ESRRB: variants seen among roughly 807,000 people sequenced by gnomAD.
ESRRB encodes the protein estrogen related receptor beta.
Under a neutral mutation model 46.0 loss-of-function variants are expected in ESRRB, and 16 were observed. The ratio of observed to expected loss-of-function variants is 0.35; its 90% CI spans 0.24 to 0.53. The LOEUF is 0.53. Ranked by LOEUF, ESRRB falls within the 20% of genes least tolerant of loss-of-function variation. ESRRB has a pLI of 0.93. For missense variants in ESRRB, 488 were observed against 607.4 expected (o/e 0.80, Z 2.07); for synonymous variants, 246 against 259.6 (o/e 0.95, Z 0.50).
At chr14:76,343,755 G>A (rs1474342910) in intron 1 of ESRRB, among the ~76,000 whole-genome samples, 3 of 152,226 alleles carry the variant, frequency 2.0e-5, no homozygotes, top group African/African-American at 4.8e-5. Flanking sequence ...ATGCATCATC[G>A]TTTCCACTTC....
chr14:76,500,743 G>T lies in ESRRB; in HGVS notation c.*2285G>T. 7 of 1,613,794 alleles carry T rather than the reference G, an allele frequency of 4.3e-6. No homozygotes were observed. The highest frequency in any genetic ancestry group is 5.9e-6 in the Non-Finnish European group (7 of 1,179,720). On this transcript the variant is annotated 3_prime_UTR_variant, in exon 7 of 7. Transcript: ENST00000644823. Reference sequence around the variant, plus strand: ...GTAACATCTGGCTTGGAGCAAGTGGGTGTTCTGCACACCAGGCAGCTGCAC... The same window carrying T: ...GTAACATCTGGCTTGGAGCAAGTGGTTGTTCTGCACACCAGGCAGCTGCAC...
At chr14:76,388,498 T>C (rs1470866109) in intron 1 of ESRRB, among the ~76,000 whole-genome samples, 2 of 152,156 alleles carry the variant, frequency 1.3e-5, no homozygotes, top group Non-Finnish European at 1.5e-5. Flanking sequence ...AATTTCAGCT[T>C]TCTAACTCCT....
chr14:76,330,427 A>G (rs1488121748), intron 1 of ESRRB, among the ~76,000 whole-genome samples: 1 of 151,724 alleles, frequency 6.6e-6, no homozygotes, highest in Non-Finnish European at 1.5e-5. Flanking sequence ...CAACTCAAAG[A>G]CCCCCCAACC....
rs905185838 is a variant in ESRRB at position 76,424,917 on chromosome 14, A to C, written c.51-14424A>C. ...ACGCCCGGCTAATTTTTATATTTTT[A>C]GTAGAGATGGGGTTTCACCATCTTG... On this transcript the variant is annotated intron_variant, in intron 1 of 6. Coordinates refer to ENST00000644823, the MANE Select transcript of ESRRB (RefSeq NM_001379180.1). Among the ~76,000 whole-genome samples, 32 of 152,050 alleles carry C rather than the reference A, an allele frequency of 2.1e-4. 1 individual carries two copies. The highest frequency in any genetic ancestry group is 2.9e-5 in the Non-Finnish European group (2 of 68,002).
chr14:76,466,786 C>T (rs1011065890), intron 3 of ESRRB, among the ~76,000 whole-genome samples: 2 of 151,832 alleles, frequency 1.3e-5, no homozygotes, highest in Non-Finnish European at 2.9e-5. Context: ...TGCAGTGGCG[C>T]GATCTAGGCT....
intron 1 of ESRRB, among the ~76,000 whole-genome samples, chr14:76,333,277 G>T (rs1176290322): frequency 9.5e-3 from 67 of 7,084 alleles, no homozygotes; most frequent in East Asian, 0.019. Context: ...TTATATATAT[G>T]ATATATTTAT....
chr14:76,403,486 A>G (rs550711562), intron 1 of ESRRB, among the ~76,000 whole-genome samples: 1 of 152,306 alleles, frequency 6.6e-6, no homozygotes, highest in Admixed American at 6.5e-5. Flanking sequence ...GAATGGGAGG[A>G]AGTATAATAC....
intron 1 of ESRRB, among the ~76,000 whole-genome samples, chr14:76,385,213 GAAA>G (rs35021819): frequency 7.7e-5 from 10 of 129,174 alleles, no homozygotes; most frequent in Non-Finnish European, 1.3e-4. Flanking sequence ...TTTTCCTCAG[GAAA>G]AAAAAAAAAA....
intron 1 of ESRRB, among the ~76,000 whole-genome samples, chr14:76,325,032 T>G (rs935606582): frequency 1.3e-5 from 2 of 148,564 alleles, no homozygotes; most frequent in Non-Finnish European, 3.0e-5. Flanking sequence ...TGGCTCAATC[T>G]TGGCTCACTG....
At chr14:76,451,891 A>T (rs1169232433) in intron 2 of ESRRB, among the ~76,000 whole-genome samples, 1 of 145,818 alleles carries the variant, frequency 6.9e-6, no homozygotes, top group Non-Finnish European at 1.5e-5. Flanking sequence ...TTGGCCTCCT[A>T]AAGTGCCAAA....
rs1389413824 is a variant in ESRRB, at chr14:76,499,116, C to T, written c.*658C>T. The T allele has an allele frequency of 1.2e-5, 4 of 330,946 alleles. No individual in the cohort carries two copies. Among genetic ancestry groups the T allele is most frequent in the Non-Finnish European group, 2.4e-5 (4 of 169,046 alleles). 20.5% of individuals were successfully genotyped at this position (330,946 alleles called of 1,614,324 possible). On this transcript the variant is annotated 3_prime_UTR_variant, in exon 7 of 7. Transcript: ENST00000644823. ...CTACCCCCCTGCCTGTCACCCACCG[C>T]GCCGGTGTCCACCTGTCCTCCTCCT... is the stretch of plus-strand genomic sequence containing the variant.
rs1422689831 is a variant in ESRRB at position 76,317,391 on chromosome 14, T to C, written c.2+6475T>C. On this transcript the variant is annotated intron_variant, in intron 1 of 6. Transcript: ENST00000512784. ...TTACGGCAACAATGGTAGGATAAGA[T>C]ATGAGAAAGAAATGGATTGTTTGCT... Among the ~76,000 whole-genome samples, 3 of 150,458 alleles carry C rather than the reference T, an allele frequency of 2.0e-5. No homozygotes were observed. In the East Asian group the frequency reaches 5.9e-4, roughly 29 times the overall value.
At chr14:76,428,090 C>G (rs1322213359) in intron 1 of ESRRB, among the ~76,000 whole-genome samples, 4 of 152,212 alleles carry the variant, frequency 2.6e-5, no homozygotes, top group African/African-American at 9.6e-5. Flanking sequence ...CCTCTGCCTC[C>G]TGGGTTCAAG....
intron 3 of ESRRB, among the ~76,000 whole-genome samples, chr14:76,467,179 A>G (rs999882953): frequency 6.6e-6 from 1 of 151,966 alleles, no homozygotes; most frequent in African/African-American, 2.4e-5. Flanking sequence ...TTGCAATGTC[A>G]GCTCCCTTGA....
At chr14:76,427,715 G>A (rs1384583617) in intron 1 of ESRRB, among the ~76,000 whole-genome samples, 1 of 152,170 alleles carries the variant, frequency 6.6e-6, no homozygotes, top group Non-Finnish European at 1.5e-5. Flanking sequence ...AGTACTTCCT[G>A]TATGCCAGGC....
chr14:76,420,558 A>AGTGTGTGTGAGTGTGT (rs1886898410), intron 1 of ESRRB, among the ~76,000 whole-genome samples: 1 of 142,364 alleles, frequency 7.0e-6, no homozygotes, highest in South Asian at 2.3e-4. Context: ...ACAGGGTGTG[A>AGTGTGTGTGAGTGTGT]GTGTGTGTGT....
intron 1 of ESRRB, among the ~76,000 whole-genome samples, chr14:76,406,739 C>T (rs1023403697): frequency 2.0e-5 from 3 of 151,212 alleles, no homozygotes; most frequent in African/African-American, 4.9e-5. Flanking sequence ...AGCAAGACTT[C>T]GTCAAAAAAC....
chr14:76,450,405 C>T (rs562306429), intron 2 of ESRRB, among the ~76,000 whole-genome samples: 3 of 152,108 alleles, frequency 2.0e-5, no homozygotes, highest in East Asian at 1.9e-4. Context: ...GAGTAGCAGC[C>T]GTTGACTAAC....
rs563338915 is a variant in ESRRB at position 76,331,262 on chromosome 14, G to A, written c.2+20346G>A. On this transcript the variant is annotated intron_variant, in intron 1 of 6. Transcript: ENST00000512784. Reference sequence around the variant, plus strand: ...GGCATTTCCCTGGCCTGAGTGCCTGGTGAAGACCGGCCAGTGGTAATGGTT... The same window carrying A: ...GGCATTTCCCTGGCCTGAGTGCCTGATGAAGACCGGCCAGTGGTAATGGTT... Among the ~76,000 whole-genome samples the A allele has an allele frequency of 1.4e-4, 21 of 152,270 alleles. 1 individual carries two copies. The South Asian group carries it at 4.4e-3, about 32-fold the overall frequency.
Sources: gnomAD v4.1 joint callset for allele counts (sites outside exome capture counted in the v4.1 genomes callset) on GRCh38, gnomAD v4.1.1 for gene constraint, MANE v1.5 for transcripts, NCBI Gene and HGNC (gene_info 2026-07-23, HGNC 2026-07-21) for gene names.